Variants in GABRB3 observed in about 807,000 individuals in gnomAD.
GABRB3 encodes the protein gamma-aminobutyric acid type A receptor subunit beta3, also known as gamma-aminobutyric acid receptor subunit beta-3.
A neutral mutation model predicts 52.1 loss-of-function variants in GABRB3; 14 were observed. The ratio of observed to expected loss-of-function variants is 0.27; its 90% CI spans 0.18 to 0.42. The LOEUF is 0.42. Ranked by LOEUF, GABRB3 falls within the 10% of genes least tolerant of loss-of-function variation. GABRB3 has a pLI of 1.00. For missense variants in GABRB3, 307 were observed against 609.1 expected (o/e 0.50, Z 5.22); for synonymous variants, 260 against 232.3 (o/e 1.12, Z -1.08).
At chr15:26,655,470 T>C (rs1286566208) in intron 3 of GABRB3, among the ~76,000 whole-genome samples, 5 of 151,974 alleles carry the variant, frequency 3.3e-5, no homozygotes, top group Admixed American at 3.3e-4. Context: ...AGGCCAGGCA[T>C]GGTGGTTCAC....
chr15:26,741,042 ATAAGTGTG>A (rs1246954853), intron 3 of GABRB3, among the ~76,000 whole-genome samples: 387 of 138,318 alleles, frequency 2.8e-3, no homozygotes, highest in African/African-American at 4.1e-3. Flanking sequence ...CGAGGGAGGA[ATAAGTGTG>A]TGTGTGTGTG....
intron 3 of GABRB3, among the ~76,000 whole-genome samples, chr15:26,641,904 T>C (rs982268654): frequency 8.6e-5 from 13 of 152,022 alleles, no homozygotes; most frequent in African/African-American, 3.1e-4. Context: ...TTTTTTTTTT[T>C]TTAGAGACAA....
chr15:26,744,940 C>A (rs1373182677), intron 3 of GABRB3, among the ~76,000 whole-genome samples: 1 of 152,138 alleles, frequency 6.6e-6, no homozygotes, highest in Non-Finnish European at 1.5e-5. Context: ...GGAAAAGAAG[C>A]TTAATTGGCT....
Position 26,593,874 on chromosome 15 carries a change from C to T in GABRB3, c.462-10460G>A, listed in dbSNP as rs576212021. ...AATTTTACGTTTAAATTTTGAGGAA[C>T]CACCATACTGCTTTCCACAGTGACT... is the stretch of plus-strand genomic sequence containing the variant. On this transcript the variant is annotated intron_variant, in intron 4 of 8. Coordinates refer to ENST00000311550, the MANE Select transcript of GABRB3 (RefSeq NM_000814.6). Among the ~76,000 whole-genome samples, 3 of 151,106 alleles carry T rather than the reference C, an allele frequency of 2.0e-5. No homozygotes were observed. The East Asian group carries it at 6.0e-4, about 30-fold the overall frequency.
At chr15:26,589,753 G>A (rs1265741723) in intron 4 of GABRB3, among the ~76,000 whole-genome samples, 2 of 152,062 alleles carry the variant, frequency 1.3e-5, no homozygotes, top group African/African-American at 4.8e-5. Flanking sequence ...TCCTGTCCAC[G>A]GTTCTCTCCC....
chr15:26,590,710 T>A (rs761113964), intron 4 of GABRB3, among the ~76,000 whole-genome samples: 3 of 152,224 alleles, frequency 2.0e-5, no homozygotes, highest in South Asian at 2.1e-4. Context: ...GCTTTTGCTA[T>A]GGGAACTCCT....
At chr15:26,574,252 A>T (rs1224652154) in intron 6 of GABRB3, among the ~76,000 whole-genome samples, 1 of 152,166 alleles carries the variant, frequency 6.6e-6, no homozygotes, top group Non-Finnish European at 1.5e-5. Flanking sequence ...AATAAAAAAG[A>T]CAGAAAATAA....
chr15:26,590,892 T>A (rs1025989904), intron 4 of GABRB3, among the ~76,000 whole-genome samples: 1 of 152,192 alleles, frequency 6.6e-6, no homozygotes, highest in Non-Finnish European at 1.5e-5. Flanking sequence ...ACTTGCTTTA[T>A]CTAATATAAA....
chr15:26,645,147 C>T (rs1017394062), intron 3 of GABRB3, among the ~76,000 whole-genome samples: 3 of 152,038 alleles, frequency 2.0e-5, no homozygotes, highest in East Asian at 1.9e-4. Flanking sequence ...GAGGCTGAGG[C>T]GGGAAGGGTG....
At chr15:26,586,702 A>G (rs1254622022) in intron 4 of GABRB3, among the ~76,000 whole-genome samples, 3 of 143,502 alleles carry the variant, frequency 2.1e-5, no homozygotes, top group African/African-American at 7.4e-5. Context: ...AAAAAAAAAA[A>G]AAAGAGAGAG....
intron 3 of GABRB3, among the ~76,000 whole-genome samples, chr15:26,632,821 A>G (rs1466193110): frequency 6.6e-6 from 1 of 152,214 alleles, no homozygotes; most frequent in Non-Finnish European, 1.5e-5. Context: ...CTTTTGCAAA[A>G]GTGCTGTAGC....
chr15:26,551,009 G>A (rs1889443200), intron 8 of GABRB3, among the ~76,000 whole-genome samples: 1 of 152,180 alleles, frequency 6.6e-6, no homozygotes, highest in Admixed American at 6.6e-5. Flanking sequence ...AAGAGCACCT[G>A]AAATATTTTG....
chr15:26,735,862 G>A (rs1271090815), intron 3 of GABRB3, among the ~76,000 whole-genome samples: 2 of 151,964 alleles, frequency 1.3e-5, no homozygotes, highest in Non-Finnish European at 2.9e-5. Flanking sequence ...GGCTGAAGCA[G>A]GAGGATCACT....
At chr15:26,742,043 C>T (rs976567431) in intron 3 of GABRB3, among the ~76,000 whole-genome samples, 3 of 152,054 alleles carry the variant, frequency 2.0e-5, no homozygotes, top group Admixed American at 6.6e-5. Context: ...TAAAAGTACG[C>T]GGTTTTTTTT....
At chr15:26,689,763 C>T (rs994101138) in intron 3 of GABRB3, among the ~76,000 whole-genome samples, 1 of 152,032 alleles carries the variant, frequency 6.6e-6, no homozygotes, top group Non-Finnish European at 1.5e-5. Context: ...AGGGAGAGGC[C>T]GCCTGGGGAG....
chr15:26,624,448 G>C (rs1209640174), intron 3 of GABRB3: 8 of 985,352 alleles, frequency 8.1e-6, no homozygotes, highest in Non-Finnish European at 9.6e-6. Context: ...CTCGCACATG[G>C]CTTGCCACAA....
chr15:26,673,704 A>C (rs1418506431), intron 3 of GABRB3, among the ~76,000 whole-genome samples: 1 of 152,232 alleles, frequency 6.6e-6, no homozygotes, highest in African/African-American at 2.4e-5. Flanking sequence ...CCCAGGCAGG[A>C]AGGAGAAGCC....
chr15:26,560,131 GT>G (rs1387206676), intron 8 of GABRB3, among the ~76,000 whole-genome samples: 2 of 152,136 alleles, frequency 1.3e-5, no homozygotes, highest in Admixed American at 6.5e-5. Context: ...AGACCCACAG[GT>G]TTTGTTCTCT....
In GABRB3 at chr15:26,678,853, T is replaced by A. The variant is rs141429644; in HGVS notation, c.241-57319A>T. Among the ~76,000 whole-genome samples the A allele has an allele frequency of 1.4e-4, 21 of 152,156 alleles. No homozygotes were observed. In the East Asian group the frequency reaches 4.1e-3, roughly 30 times the overall value. On this transcript the variant is annotated intron_variant, in intron 3 of 8. Transcript: ENST00000311550. ...GAAAGTGTACCTCACTGAGGCTGAG[T>A]TCAGTTCAAGAATCAGAGGAGCCCA...
Sources: allele counts gnomAD v4.1 joint callset (sites outside exome capture counted in the v4.1 genomes callset), GRCh38; gene constraint gnomAD v4.1.1; transcripts MANE v1.5; gene names NCBI Gene and HGNC (gene_info 2026-07-23, HGNC 2026-07-21).